Variants in SPHKAP observed in about 807,000 individuals in gnomAD.
SPHKAP encodes A-kinase anchor protein SPHKAP.
Under a neutral mutation model 137.5 loss-of-function variants are expected in SPHKAP, and 67 were observed. The ratio of observed to expected loss-of-function variants is 0.49; its 90% CI spans 0.40 to 0.60. The LOEUF is 0.60. Among genes scored for constraint, SPHKAP ranks in the 20% least tolerant of loss-of-function variants. SPHKAP has a pLI of 0.00. For synonymous variants in SPHKAP, 813 were observed against 785.3 expected (o/e 1.04, Z -0.59); for missense variants, 2,097 against 2,069.3 (o/e 1.01, Z -0.26).
In SPHKAP at chr2:228,041,239, T is replaced by G. The variant is rs146821217; in HGVS notation, c.247-13696A>C. 7.6e-4 allele frequency among the ~76,000 whole-genome samples: 115 copies of G among 152,272 alleles called. 1 individual carries two copies. The highest frequency in any genetic ancestry group is 3.4e-3 in the Middle Eastern group (1 of 294). ...ATTCCACTACATGCTAACACTAGAC[T>G]CTAAGTTTAAGGCAGATATTCCAGG... On this transcript the variant is annotated intron_variant, in intron 3 of 11. Transcript: ENST00000392056.
At chr2:228,131,105 A>C (rs952387321) in intron 2 of SPHKAP, among the ~76,000 whole-genome samples, 2 of 152,070 alleles carry the variant, frequency 1.3e-5, no homozygotes, top group African/African-American at 2.4e-5. Context: ...ACATATATAT[A>C]TCTCTACACA....
chr2:228,088,954 G>A (rs557583927), intron 3 of SPHKAP, among the ~76,000 whole-genome samples: 3 of 152,282 alleles, frequency 2.0e-5, no homozygotes, highest in Admixed American at 1.3e-4. Context: ...CAAATGGACT[G>A]ACACAGAAAA....
intron 3 of SPHKAP, among the ~76,000 whole-genome samples, chr2:228,088,821 G>A (rs914822658): frequency 1.3e-5 from 2 of 152,198 alleles, no homozygotes; most frequent in African/African-American, 2.4e-5. Flanking sequence ...GCTTCTTAAG[G>A]CCTCACCAGA....
At chr2:228,104,753 T>C (rs1698287636) in intron 3 of SPHKAP, among the ~76,000 whole-genome samples, 1 of 152,152 alleles carries the variant, frequency 6.6e-6, no homozygotes, top group Non-Finnish European at 1.5e-5. Context: ...AAAAAAGGTA[T>C]AATTTGTTTG....
chr2:228,000,197 T>C (rs1200319653), intron 7 of SPHKAP, among the ~76,000 whole-genome samples: 1 of 152,200 alleles, frequency 6.6e-6, no homozygotes, highest in Non-Finnish European at 1.5e-5. Flanking sequence ...TGGCAACGTT[T>C]GGCCAGGAGC....
At chr2:228,047,612 A>G (rs1269182791) in intron 3 of SPHKAP, among the ~76,000 whole-genome samples, 4 of 152,148 alleles carry the variant, frequency 2.6e-5, no homozygotes, top group African/African-American at 9.7e-5. Flanking sequence ...TCATTCATTC[A>G]TTCACTTTAC....
intron 3 of SPHKAP, among the ~76,000 whole-genome samples, chr2:228,108,015 C>T (rs556082065): frequency 6.6e-6 from 1 of 152,256 alleles, no homozygotes; most frequent in African/African-American, 2.4e-5. Flanking sequence ...GCCTTGCTAT[C>T]CCATATTCAG....
At chr2:228,086,372 T>A (rs1490523127) in intron 3 of SPHKAP, among the ~76,000 whole-genome samples, 3 of 152,102 alleles carry the variant, frequency 2.0e-5, no homozygotes, top group Non-Finnish European at 4.4e-5. Flanking sequence ...CATTTGGGCA[T>A]CTAAGAAGGT....
intron 3 of SPHKAP, among the ~76,000 whole-genome samples, chr2:228,086,270 C>T (rs1001284739): frequency 3.3e-5 from 5 of 152,014 alleles, no homozygotes; most frequent in South Asian, 2.1e-4. Flanking sequence ...ACTAAAACTC[C>T]GCTAGAAGAG....
At chr2:228,029,673 G>A (rs1559356507) in intron 3 of SPHKAP, among the ~76,000 whole-genome samples, 1 of 152,188 alleles carries the variant, frequency 6.6e-6, no homozygotes, top group Non-Finnish European at 1.5e-5. Flanking sequence ...ATAAATAGAA[G>A]ATGGAGCTCA....
chr2:228,028,988 C>T (rs1695176757), intron 3 of SPHKAP, among the ~76,000 whole-genome samples: 1 of 152,102 alleles, frequency 6.6e-6, no homozygotes, highest in Non-Finnish European at 1.5e-5. Flanking sequence ...TGGGGACCAT[C>T]ACTAGTGGGT....
At chr2:228,107,947 T>A (rs778876523) in intron 3 of SPHKAP, among the ~76,000 whole-genome samples, 1 of 152,182 alleles carries the variant, frequency 6.6e-6, no homozygotes, top group Non-Finnish European at 1.5e-5. Context: ...GTGTGAAATG[T>A]TTAACATCCT....
intron 1 of SPHKAP, among the ~76,000 whole-genome samples, chr2:228,154,694 G>A (rs796569937): frequency 1.1e-3 from 162 of 143,872 alleles, no homozygotes; most frequent in African/African-American, 3.6e-3. Context: ...GAGTACAGGC[G>A]CCTGCCACCA....
Position 228,154,421 on chromosome 2 carries a change from T to G in SPHKAP, c.33-22336A>C, listed in dbSNP as rs557174555. Among the ~76,000 whole-genome samples the G allele has an allele frequency of 8.8e-5, 13 of 147,262 alleles. No individual in the cohort carries two copies. In the East Asian group the frequency reaches 2.6e-3, roughly 30 times the overall value. On this transcript the variant is annotated intron_variant, in intron 1 of 11. Coordinates refer to ENST00000392056, the MANE Select transcript of SPHKAP (RefSeq NM_001142644.2). ...GGTAGTTTTAATTTGGACAGCACTT[T>G]AGAACTTAGAATAGTCAATATTACT...
At position 228,018,654 on chromosome 2, in the gene SPHKAP, G is replaced by C. The variant is rs777555347; in HGVS notation, c.2200C>G (p.Pro734Ala). Reference protein sequence around the residue: ...MSHIVRLGECPAVLSKETIRR... With the variant: ...MSHIVRLGECAAVLSKETIRR... ...ATGGTCTCCTTAGAAAGGACAGCAG[G>C]ACATTCACCAAGCCGTACAATATGA... The change falls in exon 7 of 12, where the codon CCT becomes GCT. Residue 734 changes from proline (P) to alanine (A), a missense_variant. Transcript: ENST00000392056. The C allele has an allele frequency of 1.9e-6, 3 of 1,614,154 alleles. No homozygotes were observed. The highest frequency in any genetic ancestry group is 2.5e-6 in the Non-Finnish European group (3 of 1,180,026).
Position 228,173,134 on chromosome 2 carries a change from G to A in SPHKAP, c.32+8433C>T, listed in dbSNP as rs1260427833. Reference sequence around the variant, plus strand: ...CAGGCACACTGAATGACTCACGTATGGCAGAGGAGGAACAAATAGCCTTGT... The same window carrying A: ...CAGGCACACTGAATGACTCACGTATAGCAGAGGAGGAACAAATAGCCTTGT... On this transcript the variant is annotated intron_variant, in intron 1 of 11. Transcript: ENST00000392056. The A allele has an allele frequency of 3.5e-6, 3 of 859,112 alleles. No individual in the cohort carries two copies. The African/African-American group carries it at 5.5e-5, about 16-fold the overall frequency. 53.2% of individuals were successfully genotyped at this position (859,112 alleles called of 1,614,324 possible). A position where few individuals can be genotyped will look rare whatever the true frequency, so the allele number is the denominator to read the frequency against.
Position 228,016,874 on chromosome 2 carries a change from T to G in SPHKAP, c.3980A>C (p.Asp1327Ala). ...AGGCTCAGTGTCAGCTTCCTCTGCA[T>G]CATCCACAATGATTTTGTTCTTGCG... Reference protein sequence around the residue: ...LMRKNKIIVDDAEEADTEPVS... With the variant: ...LMRKNKIIVDAAEEADTEPVS... The change falls in exon 7 of 12, where the codon GAT (aspartate) becomes GCT (alanine). Residue 1327 changes from aspartate to alanine, a missense_variant. Asp to Ala is a moderately radical substitution (Grantham distance 126, BLOSUM62 -2). Transcript: ENST00000392056. 1 of 1,614,110 alleles carries G rather than the reference T, an allele frequency of 6.2e-7. No individual in the cohort carries two copies. Among genetic ancestry groups the G allele is most frequent in the Non-Finnish European group, 8.5e-7 (1 of 1,180,016 alleles).
intron 4 of SPHKAP, chr2:228,025,871 T>G: frequency 3.0e-6 from 3 of 984,904 alleles, no homozygotes; most frequent in Non-Finnish European, 3.6e-6. Flanking sequence ...ATAAAACATT[T>G]TTTGTTTTAA....
chr2:228,051,169 T>G (rs1234408126), intron 3 of SPHKAP, among the ~76,000 whole-genome samples: 1 of 152,132 alleles, frequency 6.6e-6, no homozygotes, highest in Non-Finnish European at 1.5e-5. Flanking sequence ...AAATGAATAT[T>G]TAGTGTTTGC....
Sources: gnomAD v4.1 joint callset for allele counts (sites outside exome capture counted in the v4.1 genomes callset) on GRCh38, gnomAD v4.1.1 for gene constraint, MANE v1.5 for transcripts, NCBI Gene and HGNC (gene_info 2026-07-23, HGNC 2026-07-21) for gene names.